The following CCR3 variants were observed in gnomAD, a reference collection of about 807,000 sequenced individuals.
CCR3 encodes the protein C-C motif chemokine receptor 3.
For missense variants in CCR3, 419 were observed against 437.5 expected (o/e 0.96, Z 0.38); for synonymous variants, 203 against 179.2 (o/e 1.13, Z -1.06).
intron 2 of CCR3, among the ~76,000 whole-genome samples, chr3:46,213,603 T>C (rs1269479966): frequency 3.3e-5 from 5 of 152,242 alleles, no homozygotes; most frequent in African/African-American, 9.6e-5. Context: ...AAGTAGTTTC[T>C]TGAACTTCAT....
chr3:46,213,925 C>T (rs1469624913), intron 2 of CCR3, among the ~76,000 whole-genome samples: 1 of 152,198 alleles, frequency 6.6e-6, no homozygotes, highest in Non-Finnish European at 1.5e-5. Context: ...TAAACACACC[C>T]TCAATTCCTT....
chr3:46,264,262 A>G, intron 1 of CCR3: 1 of 709,674 alleles, frequency 1.4e-6, no homozygotes. Flanking sequence ...GGCCTAACTC[A>G]GCATCACCAG....
chr3:46,264,505 AT>A, intron 1 of CCR3: 1 of 1,153,452 alleles, frequency 8.7e-7, no homozygotes, highest in Non-Finnish European at 1.2e-6. Flanking sequence ...CTACATTTGA[AT>A]CTAGTGACAG....
intron 1 of CCR3, among the ~76,000 whole-genome samples, chr3:46,247,922 G>A (rs373227069): frequency 1.4e-4 from 21 of 152,282 alleles, no homozygotes; most frequent in African/African-American, 3.9e-4. Context: ...GGAACACTGA[G>A]AAGTGATTTC....
At chr3:46,243,293 G>A (rs1411894901) in intron 1 of CCR3, among the ~76,000 whole-genome samples, 1 of 152,020 alleles carries the variant, frequency 6.6e-6, no homozygotes, top group Non-Finnish European at 1.5e-5. Flanking sequence ...ACTTTGTGGA[G>A]CTTTTTCCCA....
chr3:46,232,691 TA>T (rs1699979486), intron 2 of CCR3, among the ~76,000 whole-genome samples: 1 of 152,166 alleles, frequency 6.6e-6, no homozygotes, highest in Non-Finnish European at 1.5e-5. Context: ...TGATGGTAAA[TA>T]TCAAGGCCCA....
intron 1 of CCR3, among the ~76,000 whole-genome samples, chr3:46,249,789 C>G (rs1700270309): frequency 1.3e-5 from 2 of 152,182 alleles, no homozygotes; most frequent in South Asian, 4.1e-4. Flanking sequence ...GAACGCCTGG[C>G]CACTGCGGTT....
intron 2 of CCR3, among the ~76,000 whole-genome samples, chr3:46,221,035 A>G (rs1699830137): frequency 2.0e-5 from 3 of 152,268 alleles, no homozygotes; most frequent in African/African-American, 4.8e-5. Flanking sequence ...TGAAGAATTT[A>G]GCAAATAATG....
chr3:46,237,156 T>G (rs6793850), intron 2 of CCR3, among the ~76,000 whole-genome samples: 66,743 of 152,050 alleles, frequency 0.44, 14,766 homozygotes, highest in African/African-American at 0.47. Flanking sequence ...CTTAACTAGG[T>G]TGAATAGTGC....
chr3:46,259,744 G>A (rs1031842040), intron 1 of CCR3, among the ~76,000 whole-genome samples: 5 of 152,200 alleles, frequency 3.3e-5, no homozygotes, highest in Admixed American at 3.3e-4. Flanking sequence ...ATGTAGAATT[G>A]ATTTAGGAAG....
intron 2 of CCR3, among the ~76,000 whole-genome samples, chr3:46,236,154 G>A (rs891384986): frequency 6.6e-6 from 1 of 152,228 alleles, no homozygotes; most frequent in East Asian, 1.9e-4. Context: ...TAAATGGGTG[G>A]TACCAACGGG....
chr3:46,235,055 A>G (rs1044498987), intron 2 of CCR3, among the ~76,000 whole-genome samples: 2 of 152,170 alleles, frequency 1.3e-5, no homozygotes, highest in African/African-American at 4.8e-5. Flanking sequence ...TAAATTGGTC[A>G]GATTTGGAAA....
At chr3:46,252,197 A>G (rs9839467) in intron 1 of CCR3, among the ~76,000 whole-genome samples, 1,240 of 114,230 alleles carry the variant, frequency 0.011, 26 homozygotes, top group African/African-American at 0.038. Flanking sequence ...TTTTTTTGAG[A>G]CAGGGTCTTA....
At chr3:46,257,428 T>C (rs1442321942) in intron 1 of CCR3, among the ~76,000 whole-genome samples, 2 of 54,232 alleles carry the variant, frequency 3.7e-5, no homozygotes, top group East Asian at 2.2e-3. Flanking sequence ...TGTCCCAGGC[T>C]TTTTTTTTTT....
intron 2 of CCR3, among the ~76,000 whole-genome samples, chr3:46,218,607 G>C (rs1699801885): frequency 6.6e-6 from 1 of 152,028 alleles, no homozygotes; most frequent in South Asian, 2.1e-4. Flanking sequence ...GAATTCAACA[G>C]GATATCAAAA....
At chr3:46,254,463 TC>T (rs907923073) in intron 1 of CCR3, among the ~76,000 whole-genome samples, 1 of 148,180 alleles carries the variant, frequency 6.7e-6, no homozygotes, top group African/African-American at 2.5e-5. Flanking sequence ...GAAGTATTTT[TC>T]CCCCCTGGGT....
At chr3:46,259,016 G>A (rs1559537813) in intron 1 of CCR3, among the ~76,000 whole-genome samples, 1 of 152,154 alleles carries the variant, frequency 6.6e-6, no homozygotes, top group African/African-American at 2.4e-5. Flanking sequence ...CACTCTAATA[G>A]ATTTTCTTGG....
At chr3:46,212,007 G>T (rs188714732) in intron 2 of CCR3, among the ~76,000 whole-genome samples, 1 of 152,186 alleles carries the variant, frequency 6.6e-6, no homozygotes, top group Admixed American at 6.5e-5. Flanking sequence ...TGGCCTGCTC[G>T]TTCCTCCTCT....
At chr3:46,259,323 T>C (rs1321285354) in intron 1 of CCR3, among the ~76,000 whole-genome samples, 1 of 152,200 alleles carries the variant, frequency 6.6e-6, no homozygotes, top group Non-Finnish European at 1.5e-5. Flanking sequence ...ATAACTGCTG[T>C]GGATGAACAA....
Sources: gnomAD v4.1 joint callset for allele counts (sites outside exome capture counted in the v4.1 genomes callset) on GRCh38, gnomAD v4.1.1 for gene constraint, MANE v1.5 for transcripts, NCBI Gene and HGNC (gene_info 2026-07-23, HGNC 2026-07-21) for gene names.